MOB3B: variants seen among roughly 807,000 people sequenced by gnomAD.
MOB3B encodes the protein MOB kinase activator 3B, also known as MOB kinase activator-like 2B.
MOB3B carries 7 observed loss-of-function variants against 18.7 expected under a neutral mutation model. The ratio of observed to expected loss-of-function variants is 0.37; its 90% CI spans 0.21 to 0.70. The LOEUF is 0.70. Ranked by LOEUF, MOB3B falls within the 30% of genes least tolerant of loss-of-function variation. MOB3B has a pLI of 0.52. For synonymous variants in MOB3B, 111 were observed against 99.9 expected, an observed-to-expected ratio of 1.11 and a Z score of -0.66; for missense variants, 253 against 281.3, an observed-to-expected ratio of 0.90 and a Z score of 0.72.
chr9:27,382,717 G>GATATAT lies in MOB3B; in HGVS notation c.419-23487_419-23482dup, dbSNP rs57101091. ...CTGGTGTGAAATGAGAGGTGAAGGT[G>GATATAT]ATATATATATATATATATATCCATC... On this transcript the variant is annotated intron_variant, in intron 2 of 3. Coordinates refer to ENST00000262244, the MANE Select transcript of MOB3B (RefSeq NM_024761.5). Among the ~76,000 whole-genome samples the GATATAT allele has an allele frequency of 7.2e-3, 1,072 of 148,024 alleles. 13 individuals are homozygous for GATATAT. The highest frequency in any genetic ancestry group is 0.019 in the African/African-American group (757 of 40,078).
intron 2 of MOB3B, among the ~76,000 whole-genome samples, chr9:27,440,223 G>A (rs1055211242): frequency 1.3e-5 from 2 of 152,184 alleles, no homozygotes; most frequent in African/African-American, 4.8e-5. Flanking sequence ...TTGAAGCAAT[G>A]TGGCCATGTC....
chr9:27,474,020 C>T (rs979723128), intron 1 of MOB3B, among the ~76,000 whole-genome samples: 18 of 152,266 alleles, frequency 1.2e-4, no homozygotes, highest in African/African-American at 4.3e-4. Context: ...CATGCTGGTA[C>T]CCTGATATTG....
chr9:27,500,265 T>C (rs563416398), intron 1 of MOB3B, among the ~76,000 whole-genome samples: 1 of 152,266 alleles, frequency 6.6e-6, no homozygotes, highest in South Asian at 2.1e-4. Context: ...ATAAAGTGTC[T>C]TGTGAGAAAT....
intron 2 of MOB3B, among the ~76,000 whole-genome samples, chr9:27,380,261 G>C (rs1037449460): frequency 3.1e-5 from 4 of 128,826 alleles, no homozygotes; most frequent in Non-Finnish European, 6.5e-5. Context: ...AAAGAGATAG[G>C]ATTTTTTTTT....
chr9:27,358,340 G>A (rs977461164), intron 3 of MOB3B, among the ~76,000 whole-genome samples: 6 of 152,186 alleles, frequency 3.9e-5, no homozygotes, highest in African/African-American at 1.4e-4. Flanking sequence ...AGGTTTTTAG[G>A]GGTCCTTGAC....
intron 2 of MOB3B, among the ~76,000 whole-genome samples, chr9:27,444,238 G>GGGAA (rs1224881943): frequency 1.5e-3 from 165 of 107,912 alleles, no homozygotes; most frequent in African/African-American, 3.6e-3. Flanking sequence ...GAGGGAGGGA[G>GGGAA]GGAAGGAAGG....
chr9:27,529,462 G>A, intron 1 of MOB3B, 93 bp downstream of exon 1: 2 of 827,490 alleles, frequency 2.4e-6, no homozygotes, highest in African/African-American at 1.8e-5. Flanking sequence ...GCCCAGGTGC[G>A]CCCCAAACCT....
intron 2 of MOB3B, 125 bp from the exon 3 acceptor site, chr9:27,359,361 T>C (rs1039616869): frequency 1.7e-5 from 8 of 463,150 alleles, no homozygotes; most frequent in East Asian, 6.3e-5. Context: ...ACAGGAGTCA[T>C]AGGGAGTGTG....
At chr9:27,457,347 G>A (rs1563873544) in intron 1 of MOB3B, among the ~76,000 whole-genome samples, 1 of 152,216 alleles carries the variant, frequency 6.6e-6, no homozygotes, top group East Asian at 1.9e-4. Flanking sequence ...TGAGCCAACA[G>A]CTGTGGCCAG....
At chr9:27,339,093 A>G (rs1445413360) in intron 3 of MOB3B, among the ~76,000 whole-genome samples, 2 of 151,484 alleles carry the variant, frequency 1.3e-5, no homozygotes, top group African/African-American at 2.4e-5. Context: ...CCTGCCATGC[A>G]CTCCCCCTAG....
chr9:27,466,780 G>A (rs75884514), intron 1 of MOB3B, among the ~76,000 whole-genome samples: 1 of 152,126 alleles, frequency 6.6e-6, no homozygotes, highest in Admixed American at 6.5e-5. Context: ...AGAATAGCAC[G>A]GGAAAGACCG....
rs1563873140 is a variant in MOB3B at position 27,455,644 on chromosome 9, C to A, written c.-94G>T. The A allele has an allele frequency of 1.3e-6, 2 of 1,578,222 alleles. No individual in the cohort carries two copies. Among genetic ancestry groups the A allele is most frequent in the South Asian group, 1.2e-5 (1 of 84,410 alleles). On this transcript the variant is annotated 5_prime_UTR_variant, in exon 2 of 4. Transcript: ENST00000262244. ...CACAGCCCAACAGTGTTTTCCACTGCCAGCACTCAGGCCCCAGTCTTACAG... is the reference window on the plus strand; with the variant it reads ...CACAGCCCAACAGTGTTTTCCACTGACAGCACTCAGGCCCCAGTCTTACAG...
In MOB3B at chr9:27,420,703, A is replaced by G. The variant is rs192463849; in HGVS notation, c.418+34430T>C. 1.7e-3 allele frequency among the ~76,000 whole-genome samples: 262 copies of G among 150,846 alleles called. 1 individual carries two copies. Among genetic ancestry groups the G allele is most frequent in the African/African-American group, 6.1e-3 (250 of 41,038 alleles). On this transcript the variant is annotated intron_variant, in intron 2 of 3. Transcript: ENST00000262244. The stretch of plus-strand genomic sequence containing the variant: ...TGAAGTAACTCAGGAATGGAAAACC[A>G]AAGGTCATATGGTCTCACTGATATG...
At chr9:27,505,783 T>C (rs1820049158) in intron 1 of MOB3B, among the ~76,000 whole-genome samples, 2 of 152,176 alleles carry the variant, frequency 1.3e-5, no homozygotes, top group South Asian at 4.2e-4. Flanking sequence ...GCCTATTGAC[T>C]CACACGTGCA....
chr9:27,342,757 C>T (rs1001436799), intron 3 of MOB3B, among the ~76,000 whole-genome samples: 1 of 151,872 alleles, frequency 6.6e-6, no homozygotes, highest in African/African-American at 2.4e-5. Context: ...TGGAGTCTCG[C>T]TCACTCAGTG....
intron 2 of MOB3B, among the ~76,000 whole-genome samples, chr9:27,429,813 C>T (rs1822391696): frequency 1.3e-5 from 2 of 152,086 alleles, no homozygotes; most frequent in Admixed American, 6.5e-5. Context: ...CAAGGTTGCC[C>T]CTCAAAGGAT....
At chr9:27,401,159 C>T (rs1187448177) in intron 2 of MOB3B, among the ~76,000 whole-genome samples, 6 of 152,166 alleles carry the variant, frequency 3.9e-5, no homozygotes, top group South Asian at 2.1e-4. Context: ...GCATGGGCCA[C>T]GCGGTCTGCC....
At chr9:27,432,260 C>CTT (rs563074798) in intron 2 of MOB3B, among the ~76,000 whole-genome samples, 1,923 of 150,020 alleles carry the variant, frequency 0.013, 13 homozygotes, top group African/African-American at 0.023. Flanking sequence ...TGTAAGATTT[C>CTT]TTTTTTTTTT....
chr9:27,399,838 T>C (rs968000986), intron 2 of MOB3B, among the ~76,000 whole-genome samples: 1 of 152,168 alleles, frequency 6.6e-6, no homozygotes, highest in Non-Finnish European at 1.5e-5. Context: ...ACGTGCCTAA[T>C]CCTGTGCCAC....
Sources: gnomAD v4.1 joint callset for allele counts (sites outside exome capture counted in the v4.1 genomes callset) on GRCh38, gnomAD v4.1.1 for gene constraint, MANE v1.5 for transcripts, NCBI Gene and HGNC (gene_info 2026-07-23, HGNC 2026-07-21) for gene names.